The following CD81 variants were observed in gnomAD, a reference collection of about 807,000 sequenced individuals.
The protein encoded by CD81 is CD81 antigen.
In CD81, 10 loss-of-function variants were observed where a neutral mutation model predicts 30.1. The observed-to-expected ratio is 0.33, with a 90% CI of 0.21 to 0.56. CD81 has a LOEUF of 0.56. Among genes scored for constraint, CD81 ranks in the 20% least tolerant of loss-of-function variants. The pLI is 0.89. For synonymous variants in CD81, 147 were observed against 126.4 expected (o/e 1.16, Z -1.10); for missense variants, 263 against 308.7 (o/e 0.85, Z 1.11).
At chr11:2,380,919 G>A (rs1849694035) in intron 1 of CD81, among the ~76,000 whole-genome samples, 1 of 152,372 alleles carries the variant, frequency 6.6e-6, no homozygotes, top group Admixed American at 6.5e-5. Flanking sequence ...CCAGTGGCAG[G>A]GCAGCCAAAC....
Position 2,377,867 on chromosome 11 carries a change from T to G in CD81, c.66+252T>G. On this transcript the variant is annotated intron_variant, in intron 1 of 7. Transcript: ENST00000263645. The surrounding 1 kb of genome is among the most constrained non-coding windows in gnomAD (Gnocchi z 7.7). ...CCCACCTCTGCGGCCGGGCCGGGGC[T>G]TCTGGGGGCCGCCGGGCAGTTCCCG... The G allele has an allele frequency of 4.3e-6, 1 of 230,096 alleles. No individual in the cohort carries two copies. The highest frequency in any genetic ancestry group is 8.5e-6 in the Non-Finnish European group (1 of 117,396). The allele number at this position is 230,096 out of a possible 1,614,324, so 14.3% of individuals were successfully genotyped here. A position where few individuals can be genotyped will look rare whatever the true frequency, so the allele number is the denominator to read the frequency against.
intron 1 of CD81, among the ~76,000 whole-genome samples, chr11:2,389,797 C>T (rs1442065094): frequency 2.6e-5 from 4 of 152,124 alleles, no homozygotes; most frequent in African/African-American, 4.8e-5. Flanking sequence ...GTGCCTACAG[C>T]TTGGCCTGGT....
upstream of CD81, chr11:2,376,792 A>G (rs1849599220): frequency 6.6e-6 from 1 of 152,272 alleles, no homozygotes; most frequent in Non-Finnish European, 1.5e-5. Flanking sequence ...TGAGGCCAAC[A>G]CTGACTAGGG....
chr11:2,394,320 C>G, intron 3 of CD81, 128 bp downstream of exon 3: 1 of 637,220 alleles, frequency 1.6e-6, no homozygotes, highest in South Asian at 1.8e-5. Flanking sequence ...CTCCTGTGCC[C>G]TGCTTTTCCC....
chr11:2,396,609 T>G lies in CD81; in HGVS notation c.562-19T>G. 2.5e-6 allele frequency: 4 copies of G among 1,606,378 alleles called. No individual in the cohort carries two copies. The highest frequency in any genetic ancestry group is 3.4e-6 in the Non-Finnish European group (4 of 1,176,884). On this transcript the variant is annotated intron_variant, in intron 6 of 7. Transcript: ENST00000263645. ...CCGAGGCCCGGTCCCTGACCACGCG[T>G]GCCTGGCCACCCCTGCAGGAGGACT...
chr11:2,395,294 C>G, intron 4 of CD81, 122 bp from the exon 5 acceptor site: 1 of 835,374 alleles, frequency 1.2e-6, no homozygotes, highest in Non-Finnish European at 2.0e-6. Context: ...CCTCTGGGGT[C>G]TAGCCTCGAA....
chr11:2,394,784 C>T (rs1332581122), intron 3 of CD81, 188 bp from the exon 4 acceptor site: 1 of 662,320 alleles, frequency 1.5e-6, no homozygotes, highest in Non-Finnish European at 2.8e-6. Flanking sequence ...TTGACGGCTC[C>T]TCCCTGCGCT....
At chr11:2,394,860 G>A in intron 3 of CD81, 112 bp from the exon 4 acceptor site, 1 of 957,728 alleles carries the variant, frequency 1.0e-6, no homozygotes, top group Non-Finnish European at 1.7e-6. Flanking sequence ...TCGTGGGCTG[G>A]TGGCTCCCAC....
intron 1 of CD81, among the ~76,000 whole-genome samples, chr11:2,380,893 A>G (rs1458307549): frequency 1.3e-5 from 2 of 152,234 alleles, no homozygotes; most frequent in Admixed American, 1.3e-4. Context: ...AAGCTAATGC[A>G]GCTGGTAGCC....
In CD81 at chr11:2,396,654, C is replaced by T. The variant is rs148404749; in HGVS notation, c.588C>T (p.Asp196=). ...FKEDCHQKID[D]LFSGKLYLIG... ...AGGACTGCCACCAGAAGATCGATGA[C>T]CTCTTCTCCGGGAAGCTGTACCTCA... The change falls in exon 7 of 8, where the codon GAC becomes GAT. Residue 196 remains aspartate (D), a synonymous_variant. Transcript: ENST00000263645. 3 of 1,611,760 alleles carry T rather than the reference C, an allele frequency of 1.9e-6. No homozygotes were observed. Among genetic ancestry groups the T allele is most frequent in the East Asian group, 2.2e-5 (1 of 44,880 alleles).
At chr11:2,376,898 G>GA (rs1196277505), upstream of CD81, 3 of 152,444 alleles carry the variant, frequency 2.0e-5, no homozygotes, top group East Asian at 5.8e-4. Flanking sequence ...ACTCCTTCAG[G>GA]AAGCCCTCCC....
chr11:2,386,477 G>A (rs932147442), intron 1 of CD81: 39 of 704,802 alleles, frequency 5.5e-5, no homozygotes, highest in Admixed American at 1.2e-4. Context: ...CTCGTAGGTG[G>A]CCCTAGGGGG....
At position 2,394,968 on chromosome 11, in the gene CD81, C is replaced by T. The variant is rs773397648; in HGVS notation, c.280-4C>T. The T allele has an allele frequency of 2.1e-5, 34 of 1,612,540 alleles. No homozygotes were observed. The East Asian group carries it at 6.9e-4, about 33-fold the overall frequency. Reference sequence around the variant, plus strand: ...TCCTCCCTCTGGCCACTGCCCGGCTCCAGTTCTTCACCTGCCTGGTCATCC... The same window carrying T: ...TCCTCCCTCTGGCCACTGCCCGGCTTCAGTTCTTCACCTGCCTGGTCATCC... On this transcript the variant is annotated splice_region_variant and splice_polypyrimidine_tract_variant and intron_variant, in intron 3 of 7. Coordinates refer to ENST00000263645, the MANE Select transcript of CD81 (RefSeq NM_004356.4).
chr11:2,395,346 T>TGGGGC lies in CD81; in HGVS notation c.355-60_355-56dup, dbSNP rs1239426377. ...AGAGCCTGGGAAAAGTGCGTCCGCC[T>TGGGGC]GGGGCGGGGCGGGGTGGGGGCAAGG... On this transcript the variant is annotated intron_variant, in intron 4 of 7. Transcript: ENST00000263645. The TGGGGC allele has an allele frequency of 7.8e-5, 93 of 1,186,232 alleles. No homozygotes were observed. The Admixed American group carries it at 8.7e-4, about 11-fold the overall frequency. 73.5% of individuals were successfully genotyped at this position (1,186,232 alleles called of 1,614,324 possible).
Position 2,396,888 on chromosome 11 carries a change from G to A in CD81, c.*22G>A, listed in dbSNP as rs753248682. 1 of 1,611,316 alleles carries A rather than the reference G, an allele frequency of 6.2e-7. No homozygotes were observed. The highest frequency in any genetic ancestry group is 1.1e-5 in the South Asian group (1 of 91,034). ...CTGAGGCCCCGCAGCTCTGGCCACA[G>A]GGACCTCTGCAGTGCCCCCTAAGTG... On this transcript the variant is annotated 3_prime_UTR_variant, in exon 8 of 8. Coordinates refer to ENST00000263645, the MANE Select transcript of CD81 (RefSeq NM_004356.4).
intron 1 of CD81, chr11:2,379,202 A>ACGAGG (rs1331340860): frequency 4.9e-5 from 22 of 449,862 alleles, no homozygotes; most frequent in Non-Finnish European, 9.8e-5. Flanking sequence ...CCGTCCCCTG[A>ACGAGG]CGAGGCGAGT....
intron 2 of CD81, chr11:2,393,110 C>T (rs1004880322): frequency 6.6e-5 from 10 of 152,306 alleles, no homozygotes; most frequent in African/African-American, 1.9e-4. Flanking sequence ...GCCCCAGGCA[C>T]CTTCTCCTCT....
intron 2 of CD81, 182 bp from the exon 3 acceptor site, chr11:2,393,913 G>A (rs1463848235): frequency 2.8e-6 from 2 of 703,524 alleles, no homozygotes; most frequent in African/African-American, 1.7e-5. Context: ...AGGTAACTGA[G>A]GCACAGAAAA....
At chr11:2,386,619 G>C in intron 1 of CD81, 1 of 717,250 alleles carries the variant, frequency 1.4e-6, no homozygotes. Context: ...CCATGCTAGG[G>C]CTGGGAAGAC....
Sources: allele counts gnomAD v4.1 joint callset (sites outside exome capture counted in the v4.1 genomes callset), GRCh38; gene constraint gnomAD v4.1.1; non-coding constraint Gnocchi (gnomAD v3.1); transcripts MANE v1.5; gene names NCBI Gene and HGNC (gene_info 2026-07-23, HGNC 2026-07-21).